MAGI2: variants seen among roughly 807,000 people sequenced by gnomAD.
MAGI2 encodes the protein membrane-associated guanylate kinase, WW and PDZ domain-containing protein 2.
MAGI2 carries 35 observed loss-of-function variants against 133.3 expected under a neutral mutation model. The observed-to-expected ratio is 0.26, with a 90% CI of 0.20 to 0.35. The LOEUF (loss-of-function observed/expected upper bound fraction) is 0.35. Ranked by LOEUF, MAGI2 falls within the 10% of genes least tolerant of loss-of-function variation. MAGI2 has a pLI of 1.00. For missense variants in MAGI2, 1,636 were observed against 1,863.4 expected (o/e 0.88, Z 2.25); for synonymous variants, 729 against 710.6 (o/e 1.03, Z -0.41).
chr7:78,899,308 T>G lies in MAGI2; in HGVS notation c.418+107782A>C, dbSNP rs1176231525. On this transcript the variant is annotated intron_variant, in intron 2 of 21. Coordinates refer to ENST00000354212, the MANE Select transcript of MAGI2 (RefSeq NM_012301.4). ...GAAGAACAAGTAAAAATGTCTGGAGTTGGTTATATATACTTAAATCGTTAA... is the reference window on the plus strand; with the variant it reads ...GAAGAACAAGTAAAAATGTCTGGAGGTGGTTATATATACTTAAATCGTTAA... 4.6e-5 allele frequency among the ~76,000 whole-genome samples: 7 copies of G among 151,964 alleles called. No individual in the cohort carries two copies. The Middle Eastern group carries it at 0.014, about 295-fold the overall frequency.
chr7:78,324,785 T>A (rs993685606), intron 9 of MAGI2, among the ~76,000 whole-genome samples: 8 of 152,010 alleles, frequency 5.3e-5, no homozygotes, highest in African/African-American at 1.9e-4. Context: ...ACATGGTGAC[T>A]CCCTGTCTCT....
At chr7:78,950,541 C>G (rs1370787644) in intron 2 of MAGI2, among the ~76,000 whole-genome samples, 1 of 152,134 alleles carries the variant, frequency 6.6e-6, no homozygotes, top group African/African-American at 2.4e-5. Flanking sequence ...ATGCCGGTTT[C>G]TCACCATGGA....
chr7:79,125,467 A>G, intron 1 of MAGI2: 1 of 506,526 alleles, frequency 2.0e-6, no homozygotes, highest in Non-Finnish European at 4.0e-6. Flanking sequence ...TGTTGGAGGC[A>G]GTCCTAGTTA....
At chr7:79,400,052 A>C (rs906892266) in intron 1 of MAGI2, among the ~76,000 whole-genome samples, 1 of 152,224 alleles carries the variant, frequency 6.6e-6, no homozygotes, top group Admixed American at 6.5e-5. Context: ...ACTTGTGTTC[A>C]TGAACCACGT....
intron 2 of MAGI2, among the ~76,000 whole-genome samples, chr7:78,731,194 G>A (rs943160219): frequency 1.3e-5 from 2 of 152,094 alleles, no homozygotes; most frequent in Non-Finnish European, 2.9e-5. Flanking sequence ...AAATAAGAGT[G>A]TATTTATAGA....
chr7:79,122,955 A>G (rs1447505353), intron 1 of MAGI2, among the ~76,000 whole-genome samples: 1 of 152,002 alleles, frequency 6.6e-6, no homozygotes, highest in Non-Finnish European at 1.5e-5. Flanking sequence ...TAAAATAGAG[A>G]TTAGTATGTT....
intron 1 of MAGI2, among the ~76,000 whole-genome samples, chr7:79,174,162 T>C (rs551714328): frequency 6.6e-6 from 1 of 152,212 alleles, no homozygotes; most frequent in South Asian, 2.1e-4. Context: ...ATTTATTTTT[T>C]CTCTTACTGT....
At chr7:78,245,112 C>T (rs1237381806) in intron 10 of MAGI2, among the ~76,000 whole-genome samples, 6 of 152,032 alleles carry the variant, frequency 3.9e-5, no homozygotes, top group African/African-American at 7.2e-5. Context: ...AGGTGGTACG[C>T]GTGTATGCCC....
chr7:78,889,502 G>C (rs1184562975), intron 2 of MAGI2, among the ~76,000 whole-genome samples: 5 of 152,180 alleles, frequency 3.3e-5, no homozygotes, highest in Non-Finnish European at 5.9e-5. Flanking sequence ...CCCACAAATG[G>C]AAGCCCATCA....
intron 2 of MAGI2, among the ~76,000 whole-genome samples, chr7:78,881,433 T>C (rs1163015785): frequency 2.9e-5 from 1 of 33,906 alleles, no homozygotes; most frequent in Non-Finnish European, 5.6e-5. Flanking sequence ...TGTCGTGGGA[T>C]GGGGGGAGGG....
At chr7:78,272,028 G>T (rs1794630707) in intron 9 of MAGI2, among the ~76,000 whole-genome samples, 1 of 152,026 alleles carries the variant, frequency 6.6e-6, no homozygotes, top group South Asian at 2.1e-4. Context: ...TCTTTTAATT[G>T]CGATGTTAGG....
At chr7:78,604,810 T>C (rs1805628139) in intron 3 of MAGI2, among the ~76,000 whole-genome samples, 2 of 152,246 alleles carry the variant, frequency 1.3e-5, no homozygotes, top group Admixed American at 6.5e-5. Flanking sequence ...ATAAATGGCA[T>C]TGTGCTATCA....
chr7:78,162,078 C>T (rs1459340495), intron 15 of MAGI2, among the ~76,000 whole-genome samples: 1 of 152,036 alleles, frequency 6.6e-6, no homozygotes, highest in Non-Finnish European at 1.5e-5. Flanking sequence ...TCAGGAAGAA[C>T]AAAAACAAAC....
intron 2 of MAGI2, among the ~76,000 whole-genome samples, chr7:78,971,670 A>G (rs1472900667): frequency 6.6e-6 from 1 of 152,000 alleles, no homozygotes; most frequent in African/African-American, 2.4e-5. Flanking sequence ...CATTGGATGT[A>G]GTACAGCTCA....
At chr7:78,342,271 G>T (rs1790465785) in intron 9 of MAGI2, among the ~76,000 whole-genome samples, 1 of 152,192 alleles carries the variant, frequency 6.6e-6, no homozygotes, top group African/African-American at 2.4e-5. Flanking sequence ...TCTCATGCCA[G>T]TTAGAATGGT....
chr7:79,054,414 A>G (rs1277561801), intron 1 of MAGI2, among the ~76,000 whole-genome samples: 1 of 152,154 alleles, frequency 6.6e-6, no homozygotes, highest in Non-Finnish European at 1.5e-5. Context: ...AAACAACCCT[A>G]TTCTCTCTTC....
At chr7:78,660,187 G>T (rs1375849751) in intron 2 of MAGI2, among the ~76,000 whole-genome samples, 2 of 151,734 alleles carry the variant, frequency 1.3e-5, no homozygotes, top group African/African-American at 4.8e-5. Flanking sequence ...CGAGTTAATG[G>T]GTGCAGCACA....
chr7:79,143,489 A>G (rs1345292866), intron 1 of MAGI2, among the ~76,000 whole-genome samples: 4 of 152,180 alleles, frequency 2.6e-5, no homozygotes, highest in African/African-American at 9.7e-5. Context: ...GTTCTGTCCA[A>G]TTTTAGATGA....
chr7:79,112,173 C>G (rs1278661317), intron 1 of MAGI2, among the ~76,000 whole-genome samples: 1 of 151,830 alleles, frequency 6.6e-6, no homozygotes, highest in Admixed American at 6.6e-5. Context: ...TCAGGCATCA[C>G]CTTCCCGCCT....
Sources: allele counts gnomAD v4.1 joint callset (sites outside exome capture counted in the v4.1 genomes callset), GRCh38; gene constraint gnomAD v4.1.1; transcripts MANE v1.5; gene names NCBI Gene and HGNC (gene_info 2026-07-23, HGNC 2026-07-21).